The following LIN54 variants were observed in gnomAD, a reference collection of about 807,000 sequenced individuals.
LIN54 encodes protein lin-54 homolog.
In LIN54, 9 loss-of-function variants were observed where a neutral mutation model predicts 78.7. The observed-to-expected ratio is 0.11, with a 90% CI of 0.07 to 0.20. LIN54 has a LOEUF of 0.20. Ranked by LOEUF, LIN54 falls within the 10% of genes least tolerant of loss-of-function variation. LIN54 has a pLI of 1.00. For synonymous variants in LIN54, 269 were observed against 318.4 expected, an observed-to-expected ratio of 0.84 and a Z score of 1.65; for missense variants, 573 against 889.9, an observed-to-expected ratio of 0.64 and a Z score of 4.53.
In LIN54 at chr4:82,948,635, A is replaced by G. The variant is rs139312437; in HGVS notation, c.952-2161T>C. On this transcript the variant is annotated intron_variant, in intron 4 of 12. Transcript: ENST00000340417. ...TTGTTACTTATAGTCCTCACACTGT[A>G]TATTAGATTTCTACACTTGTTCATC... is the stretch of plus-strand genomic sequence containing the variant. Among the ~76,000 whole-genome samples, 502 of 152,258 alleles carry G rather than the reference A, an allele frequency of 3.3e-3. 1 individual carries two copies. The highest frequency in any genetic ancestry group is 0.012 in the African/African-American group (479 of 41,548).
At chr4:82,957,418 A>G (rs1724419704) in intron 4 of LIN54, among the ~76,000 whole-genome samples, 1 of 152,194 alleles carries the variant, frequency 6.6e-6, no homozygotes, top group Admixed American at 6.5e-5. Context: ...TTGTCTCAGA[A>G]ACATCCCAAG....
intron 4 of LIN54, among the ~76,000 whole-genome samples, chr4:82,952,763 A>G (rs983710693): frequency 6.6e-6 from 1 of 152,208 alleles, no homozygotes; most frequent in Non-Finnish European, 1.5e-5. Context: ...TATATATCCA[A>G]TGGAATATTA....
chr4:83,005,998 G>A (rs1452862101), intron 1 of LIN54, among the ~76,000 whole-genome samples: 2 of 152,208 alleles, frequency 1.3e-5, no homozygotes, highest in Non-Finnish European at 2.9e-5. Context: ...GGATGCAGCT[G>A]GAGGCCATTA....
intron 1 of LIN54, among the ~76,000 whole-genome samples, chr4:83,004,770 A>G (rs13138522): frequency 0.16 from 24,019 of 152,182 alleles, 2,052 homozygotes; most frequent in South Asian, 0.29. Context: ...AGGTGCTGGG[A>G]TTACAGGTGT....
At chr4:83,012,683 G>T (rs1014279903), upstream of LIN54, 1 of 151,838 alleles carries the variant, frequency 6.6e-6, no homozygotes, top group Non-Finnish European at 1.5e-5. Context: ...CCGGGCTCCC[G>T]GAGGGAGCGG....
chr4:82,929,341 A>G (rs1430617488), intron 12 of LIN54, among the ~76,000 whole-genome samples: 5 of 152,172 alleles, frequency 3.3e-5, no homozygotes, highest in African/African-American at 1.2e-4. Flanking sequence ...AATTAATTAT[A>G]AATATTTTAC....
chr4:82,931,169 T>C, intron 11 of LIN54, 24 bp from the exon 12 acceptor site: 1 of 1,605,198 alleles, frequency 6.2e-7, no homozygotes, highest in Non-Finnish European at 8.5e-7. Context: ...ATAAGAAAAG[T>C]TTCCAAATCA....
chr4:82,989,839 C>T (rs1388763283), intron 1 of LIN54, among the ~76,000 whole-genome samples: 1 of 152,162 alleles, frequency 6.6e-6, no homozygotes, highest in African/African-American at 2.4e-5. Context: ...ACCTAAAGCT[C>T]TATATCCTTA....
At chr4:82,991,726 T>G (rs1315099034) in intron 1 of LIN54, among the ~76,000 whole-genome samples, 3 of 152,216 alleles carry the variant, frequency 2.0e-5, no homozygotes, top group Non-Finnish European at 4.4e-5. Context: ...TATCATATGC[T>G]TTTTCTGCAA....
intron 5 of LIN54, among the ~76,000 whole-genome samples, chr4:82,942,843 T>A (rs1723018898): frequency 8.0e-6 from 1 of 125,302 alleles, no homozygotes; most frequent in South Asian, 2.8e-4. Flanking sequence ...CATGCACAAA[T>A]GTGTGCGTGT....
chr4:82,998,259 T>C (rs891165845), intron 1 of LIN54, among the ~76,000 whole-genome samples: 3 of 150,718 alleles, frequency 2.0e-5, no homozygotes, highest in African/African-American at 7.3e-5. Flanking sequence ...AAATAAATAA[T>C]CTGGGACAGG....
rs536778671 is a variant in LIN54 at position 82,967,960 on chromosome 4, G to T, written c.951+2367C>A. 2.0e-5 allele frequency among the ~76,000 whole-genome samples: 3 copies of T among 152,168 alleles called. No homozygotes were observed. In the East Asian group the frequency reaches 5.8e-4, roughly 29 times the overall value. On this transcript the variant is annotated intron_variant, in intron 4 of 12. Transcript: ENST00000340417. ...TAGATCTCACCTGAACGATAGATAA[G>T]CTTTCAACCGGATGTAAGCTTTTGA...
intron 4 of LIN54, among the ~76,000 whole-genome samples, chr4:82,962,577 A>G (rs1724885523): frequency 6.6e-6 from 1 of 152,154 alleles, no homozygotes; most frequent in South Asian, 2.1e-4. Flanking sequence ...TATAAAAGGA[A>G]TTTCAGCAGA....
chr4:82,928,432 A>C, intron 12 of LIN54, 129 bp from the exon 13 acceptor site: 1 of 740,946 alleles, frequency 1.3e-6, no homozygotes, highest in Non-Finnish European at 2.3e-6. Context: ...ATCACAATTT[A>C]CACAGTGAGC....
At chr4:82,977,812 A>G (rs1429190086) in intron 3 of LIN54, among the ~76,000 whole-genome samples, 2 of 152,248 alleles carry the variant, frequency 1.3e-5, no homozygotes, top group African/African-American at 2.4e-5. Flanking sequence ...AGTAGAAATT[A>G]GAAATGATCC....
chr4:82,930,865 C>T, intron 12 of LIN54, 78 bp downstream of exon 12: 3 of 1,351,064 alleles, frequency 2.2e-6, no homozygotes, highest in Non-Finnish European at 3.1e-6. Context: ...AAAATATAAA[C>T]TCAACTTTGC....
At chr4:82,977,316 T>C (rs570726136) in intron 3 of LIN54, among the ~76,000 whole-genome samples, 46 of 152,316 alleles carry the variant, frequency 3.0e-4, no homozygotes, top group African/African-American at 1.1e-3. Context: ...TGTTTACTTA[T>C]AGCCAACTGC....
chr4:82,947,611 T>A (rs548998769), intron 4 of LIN54, among the ~76,000 whole-genome samples: 39 of 152,226 alleles, frequency 2.6e-4, no homozygotes, highest in African/African-American at 8.2e-4. Flanking sequence ...TTAATCCTTT[T>A]CTTTGGTCTG....
At chr4:82,995,980 T>C (rs1728185189) in intron 1 of LIN54, among the ~76,000 whole-genome samples, 1 of 151,740 alleles carries the variant, frequency 6.6e-6, no homozygotes, top group Non-Finnish European at 1.5e-5. Flanking sequence ...ACCCCGTCTC[T>C]ACTAAAAATA....
Sources: gnomAD v4.1 joint callset for allele counts (sites outside exome capture counted in the v4.1 genomes callset) on GRCh38, gnomAD v4.1.1 for gene constraint, MANE v1.5 for transcripts, NCBI Gene and HGNC (gene_info 2026-07-23, HGNC 2026-07-21) for gene names.